The following NCKAP5 variants were observed in gnomAD, a reference collection of about 807,000 sequenced individuals.
NCKAP5 encodes the protein NCK associated protein 5, also known as nck-associated protein 5.
NCKAP5 carries 92 observed loss-of-function variants against 167.0 expected under a neutral mutation model. The ratio of observed to expected loss-of-function variants is 0.55; its 90% CI spans 0.47 to 0.66. The LOEUF (loss-of-function observed/expected upper bound fraction) is 0.66. Ranked by LOEUF, NCKAP5 falls within the 30% of genes least tolerant of loss-of-function variation. The pLI, the probability that NCKAP5 is intolerant of heterozygous loss-of-function variation, is 0.00. For synonymous variants in NCKAP5, 891 were observed against 877.4 expected (o/e 1.02, Z -0.27); for missense variants, 2,378 against 2,315.0 (o/e 1.03, Z -0.56).
At chr2:133,359,499 T>C (rs539952082) in intron 3 of NCKAP5, among the ~76,000 whole-genome samples, 1 of 152,294 alleles carries the variant, frequency 6.6e-6, no homozygotes. Context: ...TGATCAAGAA[T>C]CCATTTTTTT....
At chr2:132,800,586 G>A (rs139982156) in intron 11 of NCKAP5, among the ~76,000 whole-genome samples, 11 of 152,088 alleles carry the variant, frequency 7.2e-5, no homozygotes, top group South Asian at 2.1e-4. Flanking sequence ...GGCTGGCTTC[G>A]CTGTCTCTGG....
chr2:133,652,225 G>A, the NCKAP5 span, among the ~76,000 whole-genome samples: 1 of 152,078 alleles, frequency 6.6e-6, no homozygotes, highest in East Asian at 1.9e-4. Flanking sequence ...ACAGAATCGG[G>A]AATATCAAGT....
the NCKAP5 span, among the ~76,000 whole-genome samples, chr2:133,602,866 T>C: frequency 5.8e-4 from 88 of 152,244 alleles, 1 homozygote; most frequent in African/African-American, 2.1e-3. Context: ...AACACAACTT[T>C]GAGAGGCCTT....
chr2:132,699,906 C>G (rs1473033132), intron 19 of NCKAP5, among the ~76,000 whole-genome samples: 2 of 152,212 alleles, frequency 1.3e-5, no homozygotes, highest in Admixed American at 1.3e-4. Flanking sequence ...AATCGCCACA[C>G]TGACTTCCAC....
Position 133,437,285 on chromosome 2 carries a change from A to G in NCKAP5, c.69+80173T>C, listed in dbSNP as rs2151147843. Among the ~76,000 whole-genome samples the G allele has an allele frequency of 2.0e-5, 3 of 152,022 alleles. 1 individual carries two copies. The Middle Eastern group carries it at 0.01, about 517-fold the overall frequency. On this transcript the variant is annotated intron_variant, in intron 3 of 19. Coordinates refer to ENST00000409261, the MANE Select transcript of NCKAP5 (RefSeq NM_207363.3). ...GGAGAATCGCTTGAACCCGAGAGGC[A>G]GAGGTTGCAGTGAGCCGAGATCGTG... is the stretch of plus-strand genomic sequence containing the variant.
At chr2:132,799,251 T>A (rs938812324) in intron 11 of NCKAP5, among the ~76,000 whole-genome samples, 5 of 149,498 alleles carry the variant, frequency 3.3e-5, no homozygotes, top group Non-Finnish European at 7.4e-5. Flanking sequence ...GACTACTAGA[T>A]GGGGAAAAAG....
intron 8 of NCKAP5, among the ~76,000 whole-genome samples, chr2:132,908,931 A>G (rs1045100803): frequency 6.6e-6 from 1 of 152,234 alleles, no homozygotes; most frequent in Admixed American, 6.5e-5. Flanking sequence ...ATCAGCCAAC[A>G]CACATTTCTT....
intron 6 of NCKAP5, among the ~76,000 whole-genome samples, chr2:133,126,322 G>A (rs1436283582): frequency 6.6e-6 from 1 of 152,144 alleles, no homozygotes; most frequent in Non-Finnish European, 1.5e-5. Context: ...ACCCAGCCTG[G>A]GCCAGGCGTC....
intron 5 of NCKAP5, among the ~76,000 whole-genome samples, chr2:133,195,365 C>A (rs946268137): frequency 1.3e-5 from 2 of 148,952 alleles, no homozygotes; most frequent in Non-Finnish European, 1.5e-5. Context: ...AGAGAATAGA[C>A]GAAATCAGAA....
At chr2:133,106,626 TTTC>T (rs1265909770) in intron 6 of NCKAP5, among the ~76,000 whole-genome samples, 4 of 152,202 alleles carry the variant, frequency 2.6e-5, no homozygotes, top group Admixed American at 2.0e-4. Flanking sequence ...AAGTAATGAC[TTTC>T]TTCTTCTTCT....
At chr2:133,594,276 A>T in the NCKAP5 span, among the ~76,000 whole-genome samples, 1 of 152,154 alleles carries the variant, frequency 6.6e-6, no homozygotes, top group Non-Finnish European at 1.5e-5. Context: ...GTTGGCTGGG[A>T]GGAAACCTAA....
chr2:132,943,138 A>C (rs1697426185), intron 8 of NCKAP5, among the ~76,000 whole-genome samples: 1 of 152,234 alleles, frequency 6.6e-6, no homozygotes, highest in African/African-American at 2.4e-5. Flanking sequence ...AAAGCACAAC[A>C]TCTTACTGTC....
chr2:132,745,697 T>C (rs1401478974), intron 16 of NCKAP5, among the ~76,000 whole-genome samples: 1 of 151,960 alleles, frequency 6.6e-6, no homozygotes, highest in Non-Finnish European at 1.5e-5. Context: ...GTATGTAGAA[T>C]ACTCTAAGGG....
At chr2:132,882,783 A>T (rs1691868909) in intron 8 of NCKAP5, among the ~76,000 whole-genome samples, 1 of 152,186 alleles carries the variant, frequency 6.6e-6, no homozygotes, top group South Asian at 2.1e-4. Context: ...ATTAAAGGGT[A>T]TATATTGAGT....
At chr2:133,599,142 A>G in the NCKAP5 span, among the ~76,000 whole-genome samples, 5 of 152,342 alleles carry the variant, frequency 3.3e-5, no homozygotes, top group Non-Finnish European at 5.9e-5. Flanking sequence ...CACAGGTCCT[A>G]TTTCCAAATA....
At chr2:132,807,329 A>G (rs1685518558) in intron 11 of NCKAP5, among the ~76,000 whole-genome samples, 1 of 152,024 alleles carries the variant, frequency 6.6e-6, no homozygotes, top group African/African-American at 2.4e-5. Context: ...ATTGCATTGA[A>G]TTTGTAGATT....
intron 3 of NCKAP5, among the ~76,000 whole-genome samples, chr2:133,463,692 T>C (rs1692342111): frequency 6.6e-6 from 1 of 152,240 alleles, no homozygotes; most frequent in Non-Finnish European, 1.5e-5. Flanking sequence ...GTTTCCTACT[T>C]TCTCTACCAC....
In NCKAP5 at chr2:132,957,161, C is replaced by T. The variant is rs543815705; in HGVS notation, c.579+6559G>A. Among the ~76,000 whole-genome samples the T allele has an allele frequency of 1.8e-4, 27 of 152,148 alleles. 1 individual carries two copies. Among genetic ancestry groups the T allele is most frequent in the African/African-American group, 5.5e-4 (23 of 41,538 alleles). ...GCTTAATAGGCATCTCAACTTAACG[C>T]GGGCAAAAACCAACAGACAATTGCA... is the stretch of plus-strand genomic sequence containing the variant. On this transcript the variant is annotated intron_variant, in intron 8 of 19. Transcript: ENST00000409261.
intron 3 of NCKAP5, among the ~76,000 whole-genome samples, chr2:133,472,250 G>C (rs1679404204): frequency 6.6e-6 from 1 of 151,890 alleles, no homozygotes; most frequent in African/African-American, 2.4e-5. Flanking sequence ...TTTTCTCACA[G>C]TTGTAATACA....
Sources: allele counts gnomAD v4.1 joint callset (sites outside exome capture counted in the v4.1 genomes callset), GRCh38; gene constraint gnomAD v4.1.1; transcripts MANE v1.5; gene names NCBI Gene and HGNC (gene_info 2026-07-23, HGNC 2026-07-21).